MCF2L2: variants seen among roughly 807,000 people sequenced by gnomAD.
The protein encoded by MCF2L2 is probable guanine nucleotide exchange factor MCF2L2.
A neutral mutation model predicts 150.2 loss-of-function variants in MCF2L2; 102 were observed. The observed-to-expected ratio is 0.68, with a 90% confidence interval of 0.58 to 0.80. The LOEUF (loss-of-function observed/expected upper bound fraction) is 0.80. Among genes scored for constraint, MCF2L2 ranks in the 30% least tolerant of loss-of-function variants. The probability of loss-of-function intolerance (pLI) is 0.00; values close to 1 mark genes in which losing one functional copy is unlikely to be tolerated. For missense variants in MCF2L2, 1,256 were observed against 1,372.8 expected (o/e 0.91, Z 1.34); for synonymous variants, 465 against 491.3 (o/e 0.95, Z 0.71).
At chr3:183,185,172 C>G (rs974031606) in intron 27 of MCF2L2, among the ~76,000 whole-genome samples, 6 of 152,242 alleles carry the variant, frequency 3.9e-5, no homozygotes, top group African/African-American at 1.4e-4. Context: ...CCCACCTTGG[C>G]CTTCCAAAGT....
At chr3:183,217,998 A>T (rs1280516587) in intron 21 of MCF2L2, among the ~76,000 whole-genome samples, 3 of 152,202 alleles carry the variant, frequency 2.0e-5, no homozygotes, top group African/African-American at 7.2e-5. Context: ...ACACATAAAA[A>T]AATTTTGGTT....
intron 3 of MCF2L2, chr3:183,378,638 A>T (rs1206527210): frequency 1.3e-5 from 2 of 152,158 alleles, no homozygotes; most frequent in Non-Finnish European, 2.9e-5. Flanking sequence ...AGAGAGAAAT[A>T]ACTCCTGACA....
At chr3:183,297,189 C>G (rs1560006427) in intron 11 of MCF2L2, 22 bp from the exon 12 acceptor site, 3 of 1,606,934 alleles carry the variant, frequency 1.9e-6, no homozygotes, top group Non-Finnish European at 2.6e-6. Context: ...AAACAGTGCC[C>G]TGTGCACTTC....
Position 183,270,979 on chromosome 3 carries a change from C to G in MCF2L2, c.1862+5893G>C, listed in dbSNP as rs1479532804. On this transcript the variant is annotated intron_variant, in intron 15 of 29. Transcript: ENST00000328913. This position sits in a 1 kb window ranked among gnomAD's most constrained non-coding sequence, Gnocchi z 4.5. ...TGTTTTCACTGTCACTGAGTCAAAC[C>G]TGGATGAAAAAAACCTTTAAATGTT... 6.7e-7 allele frequency: 1 copy of G among 1,497,310 alleles called. No individual in the cohort carries two copies. The allele number at this position is 1,497,310 out of a possible 1,614,324, so 92.8% of individuals were successfully genotyped here.
At chr3:183,317,657 T>G (rs1159002625) in intron 7 of MCF2L2, among the ~76,000 whole-genome samples, 1 of 151,730 alleles carries the variant, frequency 6.6e-6, no homozygotes, top group East Asian at 1.9e-4. Flanking sequence ...AAGCTTATAC[T>G]TCAAAAGCCA....
intron 5 of MCF2L2, among the ~76,000 whole-genome samples, chr3:183,323,960 T>C (rs1729922844): frequency 6.6e-6 from 1 of 152,186 alleles, no homozygotes; most frequent in Non-Finnish European, 1.5e-5. Flanking sequence ...GGCCTTGCTT[T>C]ACGTGAATTT....
chr3:183,212,151 C>T (rs184827058), intron 22 of MCF2L2, among the ~76,000 whole-genome samples: 11 of 152,286 alleles, frequency 7.2e-5, no homozygotes, highest in Admixed American at 2.0e-4. Flanking sequence ...GAAGCTCAGA[C>T]GAGGTAAGGA....
intron 14 of MCF2L2, among the ~76,000 whole-genome samples, chr3:183,284,199 T>C (rs1727663395): frequency 6.6e-6 from 1 of 152,198 alleles, no homozygotes; most frequent in South Asian, 2.1e-4. Flanking sequence ...TTCAGCTCCC[T>C]CAACAAAAAT....
At chr3:183,198,203 G>T (rs552421048) in intron 25 of MCF2L2, among the ~76,000 whole-genome samples, 2 of 152,182 alleles carry the variant, frequency 1.3e-5, no homozygotes, top group African/African-American at 2.4e-5. Context: ...CAAGTAAATG[G>T]ATAAAGAAAA....
chr3:183,191,369 T>C (rs1350034306), intron 27 of MCF2L2, among the ~76,000 whole-genome samples: 1 of 152,210 alleles, frequency 6.6e-6, no homozygotes, highest in African/African-American at 2.4e-5. Context: ...GTAGCTCACA[T>C]CATGGTTCAC....
chr3:183,191,994 C>T (rs1465335780), intron 27 of MCF2L2, among the ~76,000 whole-genome samples: 2 of 151,012 alleles, frequency 1.3e-5, no homozygotes, highest in Non-Finnish European at 3.0e-5. Flanking sequence ...GCGCCCACCA[C>T]CAAGCGCAGC....
At chr3:183,228,023 A>C in intron 18 of MCF2L2, 1 of 373,724 alleles carries the variant, frequency 2.7e-6, no homozygotes, top group Non-Finnish European at 4.9e-6. Context: ...ATATATATAT[A>C]CATATACACA....
intron 3 of MCF2L2, among the ~76,000 whole-genome samples, chr3:183,367,594 T>C (rs921916226): frequency 3.3e-5 from 5 of 152,302 alleles, no homozygotes; most frequent in South Asian, 4.1e-4. Flanking sequence ...GTAGAATAAA[T>C]GTAAATACAT....
chr3:183,306,623 T>C (rs1466030222), intron 10 of MCF2L2, among the ~76,000 whole-genome samples: 2 of 152,120 alleles, frequency 1.3e-5, no homozygotes, highest in African/African-American at 2.4e-5. Context: ...ATGGAGTGTG[T>C]GTATGGGGAG....
chr3:183,353,556 A>G (rs1348338122), intron 3 of MCF2L2, among the ~76,000 whole-genome samples: 1 of 152,216 alleles, frequency 6.6e-6, no homozygotes, highest in Non-Finnish European at 1.5e-5. Flanking sequence ...AGTGGAAGGC[A>G]AAGCGGGGCA....
At chr3:183,296,662 A>G in intron 12 of MCF2L2, 1 of 234,872 alleles carries the variant, frequency 4.3e-6, no homozygotes, top group Admixed American at 5.0e-5. Flanking sequence ...CACAAACTGT[A>G]AGCTCAGTGA....
At chr3:183,275,850 G>A (rs1010271159) in intron 15 of MCF2L2, among the ~76,000 whole-genome samples, 2 of 152,088 alleles carry the variant, frequency 1.3e-5, no homozygotes, top group South Asian at 2.1e-4. Context: ...TCCTGGGCTC[G>A]AGCAATCCTC....
At chr3:183,180,333 G>C (rs924126761) in intron 27 of MCF2L2, 174 bp from the exon 28 acceptor site, 7 of 534,902 alleles carry the variant, frequency 1.3e-5, no homozygotes, top group African/African-American at 5.7e-5. Context: ...TGATCTCCAG[G>C]CTGCTTTTCC....
chr3:183,277,184 G>C (rs2108459697), intron 14 of MCF2L2, among the ~76,000 whole-genome samples: 1 of 152,126 alleles, frequency 6.6e-6, no homozygotes, highest in South Asian at 2.1e-4. Flanking sequence ...CCCAAAAGCA[G>C]GTATCGGCCG....
Sources: allele counts gnomAD v4.1 joint callset (sites outside exome capture counted in the v4.1 genomes callset), GRCh38; gene constraint gnomAD v4.1.1; non-coding constraint Gnocchi (gnomAD v3.1); transcripts MANE v1.5; gene names NCBI Gene and HGNC (gene_info 2026-07-23, HGNC 2026-07-21).